LNX1: variants seen among roughly 807,000 people sequenced by gnomAD.
LNX1 encodes the protein ligand of numb-protein X 1.
A neutral mutation model predicts 68.4 loss-of-function variants in LNX1; 54 were observed. That is an observed-to-expected ratio of 0.79 (90% CI 0.63 to 0.99). The LOEUF (loss-of-function observed/expected upper bound fraction) is 0.99. Ranked by LOEUF, LNX1 falls within the 50% of genes least tolerant of loss-of-function variation. The probability of loss-of-function intolerance (pLI) is 0.00; values close to 1 mark genes in which losing one functional copy is unlikely to be tolerated. For synonymous variants in LNX1, 336 were observed against 350.0 expected (o/e 0.96, Z 0.45); for missense variants, 906 against 926.4 (o/e 0.98, Z 0.29).
At chr4:53,508,373 C>G (rs536649025) in intron 2 of LNX1, 146 bp from the exon 3 acceptor site, 1 of 968,144 alleles carries the variant, frequency 1.0e-6, no homozygotes, top group South Asian at 1.7e-5. Flanking sequence ...CCTCTCTTCC[C>G]TTTTCACACA....
In LNX1 at chr4:53,508,074, G is replaced by C; in HGVS notation, c.534C>G (p.Gly178=). 6.2e-7 allele frequency: 1 copy of C among 1,614,178 alleles called. No homozygotes were observed. The highest frequency in any genetic ancestry group is 1.3e-5 in the African/African-American group (1 of 75,048). The change falls in exon 3 of 11, where the codon GGC becomes GGG. Residue 178 remains glycine (G), a synonymous_variant. Transcript: ENST00000263925. The part of the protein sequence containing the change: ...ATISLMTDEP[G]LDNPAYVSSA... ...AGGACACGTAGGCAGGGTTGTCTAGGCCAGGCTCGTCTGTCATTAAGGAGA... is the reference window on the plus strand; with the variant it reads ...AGGACACGTAGGCAGGGTTGTCTAGCCCAGGCTCGTCTGTCATTAAGGAGA...
intron 8 of LNX1, 138 bp downstream of exon 8, chr4:53,478,427 A>G (rs1723703025): frequency 1.4e-6 from 1 of 725,706 alleles, no homozygotes; most frequent in Non-Finnish European, 2.1e-6. Flanking sequence ...CAAACCAATC[A>G]TGGTCAATGG....
At chr4:53,491,359 A>T (rs753111044) in intron 6 of LNX1, among the ~76,000 whole-genome samples, 3 of 152,064 alleles carry the variant, frequency 2.0e-5, no homozygotes, top group African/African-American at 4.8e-5. Flanking sequence ...GAAGGTTTTC[A>T]TAAACATAGC....
upstream of LNX1, among the ~76,000 whole-genome samples, chr4:53,622,317 T>C (rs1733912394): frequency 6.6e-6 from 1 of 152,192 alleles, no homozygotes; most frequent in Admixed American, 6.6e-5. Context: ...CTATTGACTT[T>C]TCAAAGTGCG....
rs150428031 is a variant in LNX1, at chr4:53,561,682, A to G, written c.380+11941T>C. On this transcript the variant is annotated intron_variant, in intron 2 of 10. Transcript: ENST00000263925. ...TCCCAGGACACTGGATGCAAAGTTAATCCGGAAAATATTCCCAGCCAGCCT... is the reference window on the plus strand; with the variant it reads ...TCCCAGGACACTGGATGCAAAGTTAGTCCGGAAAATATTCCCAGCCAGCCT... 1.1e-4 allele frequency among the ~76,000 whole-genome samples: 16 copies of G among 152,346 alleles called. No homozygotes were observed. The East Asian group carries it at 3.1e-3, about 29-fold the overall frequency.
intron 1 of LNX1, among the ~76,000 whole-genome samples, chr4:53,584,863 C>T (rs1041794622): frequency 6.6e-6 from 1 of 152,210 alleles, no homozygotes; most frequent in African/African-American, 2.4e-5. Context: ...GTTACTTTGA[C>T]CTTTGGCCTT....
chr4:53,498,123 A>ATTC (rs1725200083), intron 5 of LNX1, among the ~76,000 whole-genome samples: 1 of 152,178 alleles, frequency 6.6e-6, no homozygotes, highest in Non-Finnish European at 1.5e-5. Context: ...GGGTTGGTGG[A>ATTC]ATTAGCATAG....
chr4:53,474,649 G>C (rs1723444000), intron 9 of LNX1, among the ~76,000 whole-genome samples: 1 of 152,194 alleles, frequency 6.6e-6, no homozygotes, highest in African/African-American at 2.4e-5. Flanking sequence ...TACAGGGAGA[G>C]GATGGAATGA....
chr4:53,489,070 T>C (rs1046154543), intron 6 of LNX1, among the ~76,000 whole-genome samples: 3 of 152,168 alleles, frequency 2.0e-5, no homozygotes, highest in Non-Finnish European at 2.9e-5. Context: ...ATCTGGTCTG[T>C]ATTAATTTGT....
intron 1 of LNX1, among the ~76,000 whole-genome samples, chr4:53,649,198 G>A (rs1402774139): frequency 6.6e-6 from 1 of 152,022 alleles, no homozygotes; most frequent in African/African-American, 2.4e-5. Context: ...ATTATATTTT[G>A]GGGTGCTTCT....
Position 53,507,969 on chromosome 4 carries a change from C to G in LNX1, c.622+17G>C, listed in dbSNP as rs1726036739. Reference sequence around the variant, plus strand: ...AGCCAAGGAGCCCATTCCCGGACAACCACCCATTTGACTCACCCCTAGTTC... The same window carrying G: ...AGCCAAGGAGCCCATTCCCGGACAAGCACCCATTTGACTCACCCCTAGTTC... On this transcript the variant is annotated intron_variant, in intron 3 of 10. Coordinates refer to ENST00000263925, the MANE Select transcript of LNX1 (RefSeq NM_001126328.3). The G allele has an allele frequency of 6.2e-7, 1 of 1,604,112 alleles. No homozygotes were observed. The highest frequency in any genetic ancestry group is 8.5e-7 in the Non-Finnish European group (1 of 1,171,924).
chr4:53,574,125 G>A, intron 1 of LNX1, 37 bp from the exon 2 acceptor site: 1 of 1,373,958 alleles, frequency 7.3e-7, no homozygotes, highest in Non-Finnish European at 9.6e-7. Context: ...TTGCTTCCCA[G>A]CACATGAAAG....
At chr4:53,572,598 A>G (rs79543133) in intron 2 of LNX1, among the ~76,000 whole-genome samples, 13,007 of 152,214 alleles carry the variant, frequency 0.085, 626 homozygotes, top group Non-Finnish European at 0.12. Flanking sequence ...CAGGATAAAC[A>G]ACATCTTCCA....
At chr4:53,508,467 ATC>A in intron 2 of LNX1, 1 of 499,498 alleles carries the variant, frequency 2.0e-6, no homozygotes, top group South Asian at 2.6e-5. Context: ...TCTTAAAGCA[ATC>A]TCTACATTGG....
At chr4:53,484,989 A>G (rs1724191901) in intron 6 of LNX1, among the ~76,000 whole-genome samples, 1 of 152,224 alleles carries the variant, frequency 6.6e-6, no homozygotes, top group Non-Finnish European at 1.5e-5. Context: ...CTCATCACAT[A>G]TAAAGCTTGT....
Position 53,574,092 on chromosome 4 carries a change from A to C in LNX1, c.-86-4T>G. 1 of 1,493,374 alleles carries C rather than the reference A, an allele frequency of 6.7e-7. No individual in the cohort carries two copies. The highest frequency in any genetic ancestry group is 8.9e-7 in the Non-Finnish European group (1 of 1,123,992). 92.5% of individuals were successfully genotyped at this position (1,493,374 alleles called of 1,614,324 possible). A position where few individuals can be genotyped will look rare whatever the true frequency, so the allele number is the denominator to read the frequency against. On this transcript the variant is annotated splice_region_variant and splice_polypyrimidine_tract_variant and intron_variant, in intron 1 of 10. Transcript: ENST00000263925. ...GATCTAGGAGACATCCACACACCTA[A>C]AAAAGAACAAGAAGGCTCACCTTTG... is the stretch of plus-strand genomic sequence containing the variant.
At chr4:53,465,262 G>T (rs1722588689) in intron 9 of LNX1, among the ~76,000 whole-genome samples, 3 of 152,134 alleles carry the variant, frequency 2.0e-5, no homozygotes, top group Admixed American at 2.0e-4. Flanking sequence ...GAAAATAAGG[G>T]TTTGGATCTA....
intron 7 of LNX1, among the ~76,000 whole-genome samples, chr4:53,480,052 T>C (rs1285632265): frequency 6.6e-6 from 1 of 152,242 alleles, no homozygotes; most frequent in Non-Finnish European, 1.5e-5. Context: ...AATCCTGCTT[T>C]GTCTTCTTTG....
chr4:53,565,494 C>G (rs1361926603), intron 2 of LNX1, among the ~76,000 whole-genome samples: 1 of 150,612 alleles, frequency 6.6e-6, no homozygotes, highest in African/African-American at 2.4e-5. Flanking sequence ...AAAAACCCAT[C>G]TGTACATCAC....
Sources: allele counts gnomAD v4.1 joint callset (sites outside exome capture counted in the v4.1 genomes callset), GRCh38; gene constraint gnomAD v4.1.1; transcripts MANE v1.5; gene names NCBI Gene and HGNC (gene_info 2026-07-23, HGNC 2026-07-21).